Variants in AGAP1 observed in about 807,000 individuals in gnomAD.
The protein encoded by AGAP1 is arf-GAP with GTPase, ANK repeat and PH domain-containing protein 1.
Under a neutral mutation model 105.3 loss-of-function variants are expected in AGAP1, and 29 were observed. The observed-to-expected ratio is 0.28, with a 90% CI of 0.21 to 0.38. AGAP1 has a LOEUF of 0.38. Ranked by LOEUF, AGAP1 falls within the 10% of genes least tolerant of loss-of-function variation. The pLI, the probability that AGAP1 is intolerant of heterozygous loss-of-function variation, is 1.00. For synonymous variants in AGAP1, 509 were observed against 485.9 expected (o/e 1.05, Z -0.63); for missense variants, 998 against 1,165.1 (o/e 0.86, Z 2.09).
chr2:235,682,721 C>T (rs771191167), intron 1 of AGAP1, among the ~76,000 whole-genome samples: 3 of 151,998 alleles, frequency 2.0e-5, no homozygotes, highest in African/African-American at 7.3e-5. Flanking sequence ...TTTTCTCACC[C>T]GAAAAACTAG....
rs1169738846 is a variant in AGAP1 at position 235,720,222 on chromosome 2, GA to G, written c.310+2581del. Among the ~76,000 whole-genome samples, 1 of 152,212 alleles carries G rather than the reference GA, an allele frequency of 6.6e-6. No homozygotes were observed. Among genetic ancestry groups the G allele is most frequent in the African/African-American group, 2.4e-5 (1 of 41,452 alleles). On this transcript the variant is annotated intron_variant, in intron 3 of 17. Coordinates refer to ENST00000304032, the MANE Select transcript of AGAP1 (RefSeq NM_001037131.3). This position sits in a 1 kb window ranked among gnomAD's most constrained non-coding sequence, Gnocchi z 5.0. ...CTCATGCTCAGGGAGCCTGTACCTG[GA>G]AAGTGATTTCAATTTTTGTCCAGTG...
chr2:235,767,815 C>T (rs1254419758), intron 6 of AGAP1, among the ~76,000 whole-genome samples: 1 of 128,572 alleles, frequency 7.8e-6, no homozygotes, highest in East Asian at 2.3e-4. Flanking sequence ...GACACAGTCT[C>T]GCTCTGTCGC....
At chr2:235,738,053 G>A (rs536451211) in intron 3 of AGAP1, among the ~76,000 whole-genome samples, 1 of 152,078 alleles carries the variant, frequency 6.6e-6, no homozygotes, top group Non-Finnish European at 1.5e-5. Context: ...AGGACACAGG[G>A]TCGGGACGGT....
At chr2:236,122,979 G>A (rs757299586) in intron 17 of AGAP1, among the ~76,000 whole-genome samples, 11 of 152,110 alleles carry the variant, frequency 7.2e-5, no homozygotes, top group East Asian at 1.9e-4. Context: ...CACCGTGTCC[G>A]GCTCCAGTGA....
chr2:235,692,734 G>A lies in AGAP1; in HGVS notation c.164-16445G>A, dbSNP rs978242658. Among the ~76,000 whole-genome samples, 21 of 152,146 alleles carry A rather than the reference G, an allele frequency of 1.4e-4. No individual in the cohort carries two copies. Among genetic ancestry groups the A allele is most frequent in the African/African-American group, 5.1e-4 (21 of 41,428 alleles). Reference sequence around the variant, plus strand: ...CCTGCTTATCCTTCCCTGCCGCCTCGTGTGTCCTGCATGGCATTTGTTACA... The same window carrying A: ...CCTGCTTATCCTTCCCTGCCGCCTCATGTGTCCTGCATGGCATTTGTTACA... On this transcript the variant is annotated intron_variant, in intron 1 of 17. Transcript: ENST00000304032. The surrounding 1 kb of genome is among the most constrained non-coding windows in gnomAD (Gnocchi z 5.8).
At chr2:235,835,888 T>C (rs555648106) in intron 9 of AGAP1, among the ~76,000 whole-genome samples, 2 of 152,372 alleles carry the variant, frequency 1.3e-5, no homozygotes, top group African/African-American at 4.8e-5. Context: ...TCACCGTGAT[T>C]ATTAATACAT....
At chr2:235,572,988 CTTCTTCT>C (rs1559258317) in intron 1 of AGAP1, among the ~76,000 whole-genome samples, 1 of 23,828 alleles carries the variant, frequency 4.2e-5, no homozygotes, top group Non-Finnish European at 7.8e-5. Context: ...TCTTCTTCTT[CTTCTTCT>C]TCTTCTTCTT....
chr2:235,670,780 G>A (rs1948364192), intron 1 of AGAP1: 3 of 1,220,610 alleles, frequency 2.5e-6, no homozygotes, highest in Non-Finnish European at 3.4e-6. Flanking sequence ...CGGACCTGGA[G>A]CGTTGGGAAC....
At position 235,800,988 on chromosome 2, in the gene AGAP1, C is replaced by T. The variant is rs534063476; in HGVS notation, c.957+1466C>T. Among the ~76,000 whole-genome samples the T allele has an allele frequency of 6.0e-4, 91 of 152,262 alleles. 1 individual carries two copies. Among genetic ancestry groups the T allele is most frequent in the African/African-American group, 2.1e-3 (88 of 41,534 alleles). On this transcript the variant is annotated intron_variant, in intron 8 of 17. Coordinates refer to ENST00000304032, the MANE Select transcript of AGAP1 (RefSeq NM_001037131.3). ...TGAATCTGATCTTGATGTTACATTG[C>T]GATTCCTGCCAAGTCTGGGAGATCC...
rs1204221291 is a variant in AGAP1, at chr2:235,642,376, T to C, written c.164-66803T>C. 6.6e-6 allele frequency among the ~76,000 whole-genome samples: 1 copy of C among 152,232 alleles called. No individual in the cohort carries two copies. Among genetic ancestry groups the C allele is most frequent in the Non-Finnish European group, 1.5e-5 (1 of 68,046 alleles). On this transcript the variant is annotated intron_variant, in intron 1 of 17. Coordinates refer to ENST00000304032, the MANE Select transcript of AGAP1 (RefSeq NM_001037131.3). The surrounding 1 kb of genome is among the most constrained non-coding windows in gnomAD (Gnocchi z 4.1). The stretch of plus-strand genomic sequence containing the variant: ...CCACTGGCATTGATTAGAAGAGAGC[T>C]TGTGACTGAGGAAAACCTGGCTTAG...
At position 235,712,985 on chromosome 2, in the gene AGAP1, G is replaced by A. The variant is rs1950926987; in HGVS notation, c.222+3748G>A. 6.6e-6 allele frequency among the ~76,000 whole-genome samples: 1 copy of A among 152,208 alleles called. No homozygotes were observed. Among genetic ancestry groups the A allele is most frequent in the African/African-American group, 2.4e-5 (1 of 41,446 alleles). On this transcript the variant is annotated intron_variant, in intron 2 of 17. Coordinates refer to ENST00000304032, the MANE Select transcript of AGAP1 (RefSeq NM_001037131.3). The surrounding 1 kb of genome is among the most constrained non-coding windows in gnomAD (Gnocchi z 6.0). ...TGATGCCATCGTGTGTGACTGAGGT[G>A]GTCTGTGAGATGGCTGTTCCAGCCA...
At chr2:235,671,339 C>T (rs1485373000) in intron 1 of AGAP1, among the ~76,000 whole-genome samples, 1 of 152,206 alleles carries the variant, frequency 6.6e-6, no homozygotes, top group African/African-American at 2.4e-5. Flanking sequence ...GCGCCGACCT[C>T]CTTCGCGTGC....
chr2:236,084,816 A>G (rs1042955409), intron 16 of AGAP1, among the ~76,000 whole-genome samples: 6 of 151,988 alleles, frequency 3.9e-5, no homozygotes, highest in Non-Finnish European at 5.9e-5. Flanking sequence ...AGGTGGGAGA[A>G]TCACTTGAAC....
intron 1 of AGAP1, among the ~76,000 whole-genome samples, chr2:235,603,779 G>T (rs1239988901): frequency 6.6e-6 from 1 of 152,140 alleles, no homozygotes; most frequent in African/African-American, 2.4e-5. Flanking sequence ...TATCTGTGAA[G>T]TCCTGCTTGT....
intron 1 of AGAP1, among the ~76,000 whole-genome samples, chr2:235,617,147 AG>A: frequency 6.6e-6 from 1 of 152,246 alleles, no homozygotes; most frequent in East Asian, 1.9e-4. Flanking sequence ...ATCGTAATGT[AG>A]GGGGAAAAAT....
At position 235,601,273 on chromosome 2, in the gene AGAP1, G is replaced by A. The variant is rs1945722180; in HGVS notation, c.163+106424G>A. Among the ~76,000 whole-genome samples the A allele has an allele frequency of 6.6e-6, 1 of 152,204 alleles. No homozygotes were observed. ...TCCTTACTGTGTCCTCTCTGTGCTTGGGGGTGGGGAGAGAGGCGAGAAGGG... is the reference window on the plus strand; with the variant it reads ...TCCTTACTGTGTCCTCTCTGTGCTTAGGGGTGGGGAGAGAGGCGAGAAGGG... On this transcript the variant is annotated intron_variant, in intron 1 of 17. Transcript: ENST00000304032. This position sits in a 1 kb window ranked among gnomAD's most constrained non-coding sequence, Gnocchi z 4.4.
In AGAP1 at chr2:236,120,396, G is replaced by T; in HGVS notation, c.2319G>T (p.Leu773=). The T allele has an allele frequency of 6.2e-7, 1 of 1,611,464 alleles. No homozygotes were observed. The highest frequency in any genetic ancestry group is 8.5e-7 in the Non-Finnish European group (1 of 1,179,780). ...TCGEGDGRTA[L]HLACRKGNVV... ...GGGAGGGAGACGGCCGCACGGCGCT[G>T]CATCTGGCCTGCCGCAAGGGGAATG... The change falls in exon 17 of 18, where the codon CTG becomes CTT. Residue 773 remains leucine, a synonymous_variant. Transcript: ENST00000304032. The surrounding 1 kb of genome is among the most constrained non-coding windows in gnomAD (Gnocchi z 6.0).
intron 9 of AGAP1, among the ~76,000 whole-genome samples, chr2:235,856,268 T>G (rs555918005): frequency 6.6e-6 from 1 of 152,338 alleles, no homozygotes; most frequent in African/African-American, 2.4e-5. Flanking sequence ...TAGCTTCCTC[T>G]CTTTAGTTTG....
At chr2:236,068,045 G>T (rs1022357144) in intron 16 of AGAP1, among the ~76,000 whole-genome samples, 6 of 152,194 alleles carry the variant, frequency 3.9e-5, no homozygotes, top group African/African-American at 1.4e-4. Flanking sequence ...GCCAAGGCAG[G>T]CAGATTGCCT....
Sources: gnomAD v4.1 joint callset for allele counts (sites outside exome capture counted in the v4.1 genomes callset) on GRCh38, gnomAD v4.1.1 for gene constraint, Gnocchi (gnomAD v3.1) non-coding constraint, MANE v1.5 for transcripts, NCBI Gene and HGNC (gene_info 2026-07-23, HGNC 2026-07-21) for gene names.